The following ARV1 variants were observed in gnomAD, a reference collection of about 807,000 sequenced individuals.
ARV1 encodes protein ARV1.
ARV1 carries 26 observed loss-of-function variants against 31.1 expected under a neutral mutation model. That is an observed-to-expected ratio of 0.84 (90% confidence interval 0.61 to 1.16). The LOEUF (loss-of-function observed/expected upper bound fraction) is 1.16. ARV1 is among the 50% of genes most tolerant of loss of function. The probability of loss-of-function intolerance (pLI) is 0.00; values close to 1 mark genes in which losing one functional copy is unlikely to be tolerated. For synonymous variants in ARV1, 117 were observed against 123.2 expected, an observed-to-expected ratio of 0.95 and a Z score of 0.34; for missense variants, 281 against 324.9, an observed-to-expected ratio of 0.86 and a Z score of 1.04.
At chr1:230,990,723 A>G (rs958244305) in intron 3 of ARV1, 38 of 219,184 alleles carry the variant, frequency 1.7e-4, no homozygotes, top group African/African-American at 9.0e-4. Context: ...ACCATGCACC[A>G]CCTCCAGCTA....
At chr1:230,986,761 T>G (rs1004410044) in intron 1 of ARV1, among the ~76,000 whole-genome samples, 1 of 136,788 alleles carries the variant, frequency 7.3e-6, no homozygotes, top group Non-Finnish European at 1.5e-5. Context: ...GGGCTCGAAC[T>G]TCTGGCTTCA....
Position 230,995,825 on chromosome 1 carries a change from A to G in ARV1, c.514A>G (p.Lys172Glu), listed in dbSNP as rs1679346468. The change falls in exon 4 of 6, where the codon AAA (lysine) becomes GAA (glutamate). Residue 172 changes from lysine to glutamate, a missense_variant. Transcript: ENST00000310256. Reference sequence around the variant, plus strand: ...GGTAGAACGGCCCATGACGGCAAAAAAAAAGCCCAACTTCATTTTGCTGCT... The same window carrying G: ...GGTAGAACGGCCCATGACGGCAAAAGAAAAGCCCAACTTCATTTTGCTGCT... Reference protein sequence around the residue: ...LWVERPMTAKKKPNFILLLKA... With the variant: ...LWVERPMTAKEKPNFILLLKA... 6.2e-7 allele frequency: 1 copy of G among 1,614,172 alleles called. No homozygotes were observed. The highest frequency in any genetic ancestry group is 8.5e-7 in the Non-Finnish European group (1 of 1,180,020).
At chr1:230,979,339 C>G (rs1678753194) in intron 1 of ARV1, 60 bp downstream of exon 1, 4 of 1,586,678 alleles carry the variant, frequency 2.5e-6, no homozygotes, top group Non-Finnish European at 3.5e-6. Flanking sequence ...ATTTGGGGAC[C>G]GCGAGGAGCA....
At chr1:230,984,860 C>T (rs1679020132) in intron 1 of ARV1, among the ~76,000 whole-genome samples, 1 of 152,306 alleles carries the variant, frequency 6.6e-6, no homozygotes, top group South Asian at 2.1e-4. Context: ...ATGTTGTTAT[C>T]TCTTTGAGAA....
chr1:230,993,034 G>GA (rs1263062100), intron 3 of ARV1, among the ~76,000 whole-genome samples: 1 of 152,120 alleles, frequency 6.6e-6, no homozygotes, highest in Admixed American at 6.5e-5. Flanking sequence ...TCTAGCCCAA[G>GA]AACTAGAACC....
chr1:230,990,414 A>G (rs1197398673), intron 3 of ARV1, 151 bp downstream of exon 3: 6 of 993,084 alleles, frequency 6.0e-6, no homozygotes, highest in Non-Finnish European at 8.9e-6. Context: ...CTACTAACCT[A>G]CGAGGTGAGT....
intron 1 of ARV1, among the ~76,000 whole-genome samples, chr1:230,981,707 C>G (rs908410724): frequency 3.9e-5 from 6 of 152,160 alleles, no homozygotes; most frequent in African/African-American, 1.4e-4. Context: ...ATCTCTTTGA[C>G]CAAAACTTTC....
intron 1 of ARV1, among the ~76,000 whole-genome samples, chr1:230,980,704 T>C (rs1028949571): frequency 6.6e-6 from 1 of 151,422 alleles, no homozygotes; most frequent in African/African-American, 2.4e-5. Context: ...TACTGTACTG[T>C]CTTCTTCTGC....
intron 2 of ARV1, 71 bp from the exon 3 acceptor site, chr1:230,990,039 C>T: frequency 6.8e-7 from 1 of 1,461,258 alleles, no homozygotes; most frequent in East Asian, 2.4e-5. Context: ...GCCACAAATA[C>T]TCTGTACCTG....
rs11122182 is a variant in ARV1 at position 230,988,715 on chromosome 1, A to G, written c.294+276A>G. ...AATTACCTGCTAGTAAATTGAAACA[A>G]TCATCACTGGTTTTTAACAGAATAC... On this transcript the variant is annotated intron_variant, in intron 2 of 5. Transcript: ENST00000310256. 7.5e-3 allele frequency among the ~76,000 whole-genome samples: 1,143 copies of G among 152,366 alleles called. 19 individuals are homozygous for G. Among genetic ancestry groups the G allele is most frequent in the African/African-American group, 0.024 (1,016 of 41,590 alleles).
At chr1:230,995,363 T>G in intron 3 of ARV1, among the ~76,000 whole-genome samples, 1 of 152,218 alleles carries the variant, frequency 6.6e-6, no homozygotes, top group South Asian at 2.1e-4. Flanking sequence ...GTTATCCCAT[T>G]CTTACGATAG....
intron 5 of ARV1, 119 bp from the exon 6 acceptor site, chr1:231,000,019 T>TG (rs1233227884): frequency 3.3e-5 from 5 of 152,246 alleles, no homozygotes; most frequent in Non-Finnish European, 7.3e-5. Context: ...AGTCTGGTGC[T>TG]GGGAGAGGCA....
intron 3 of ARV1, among the ~76,000 whole-genome samples, chr1:230,992,458 T>G (rs1679256230): frequency 6.6e-6 from 1 of 152,254 alleles, no homozygotes; most frequent in South Asian, 2.1e-4. Context: ...GGCTCTACTT[T>G]GTTTTTCTTA....
intron 1 of ARV1, among the ~76,000 whole-genome samples, chr1:230,984,363 C>CGTAT (rs1678996938): frequency 1.5e-5 from 2 of 129,762 alleles, no homozygotes; most frequent in Non-Finnish European, 3.3e-5. Flanking sequence ...TGTGTGTGTG[C>CGTAT]GTGTGTGTGT....
At chr1:230,981,940 C>G (rs1199220502) in intron 1 of ARV1, among the ~76,000 whole-genome samples, 3 of 152,208 alleles carry the variant, frequency 2.0e-5, no homozygotes, top group Admixed American at 6.5e-5. Flanking sequence ...CTCCTTCAAA[C>G]ATCTCAGAGA....
chr1:230,992,315 G>A (rs1356543040), intron 3 of ARV1, among the ~76,000 whole-genome samples: 10 of 152,058 alleles, frequency 6.6e-5, no homozygotes, highest in Admixed American at 6.5e-5. Context: ...GGCCTTTGAA[G>A]TGGCTCTTCC....
rs771305142 is a variant in ARV1, at chr1:230,988,292, G to T, written c.175-28G>T. 3.2e-6 allele frequency: 5 copies of T among 1,570,370 alleles called. No homozygotes were observed. The African/African-American group carries it at 4.1e-5, about 13-fold the overall frequency. On this transcript the variant is annotated intron_variant, in intron 1 of 5. Coordinates refer to ENST00000310256, the MANE Select transcript of ARV1 (RefSeq NM_022786.3). The stretch of plus-strand genomic sequence containing the variant: ...GATTTCAGAAAGTATACATTTGCTT[G>T]TTCTAATATTATCTTGTATTATTTC...
chr1:230,984,578 G>T (rs1436740744), intron 1 of ARV1, among the ~76,000 whole-genome samples: 1 of 152,086 alleles, frequency 6.6e-6, no homozygotes, highest in South Asian at 2.1e-4. Flanking sequence ...TTATTAAGCC[G>T]GCGGCCAAAG....
chr1:230,992,585 A>G (rs544372813), intron 3 of ARV1, among the ~76,000 whole-genome samples: 1 of 152,368 alleles, frequency 6.6e-6, no homozygotes, highest in East Asian at 1.9e-4. Flanking sequence ...TTGTAGCTCA[A>G]GCACTTAGGT....
Sources: gnomAD v4.1 joint callset for allele counts (sites outside exome capture counted in the v4.1 genomes callset) on GRCh38, gnomAD v4.1.1 for gene constraint, MANE v1.5 for transcripts, NCBI Gene and HGNC (gene_info 2026-07-23, HGNC 2026-07-21) for gene names.